Variants in ANKRD31 observed in about 807,000 individuals in gnomAD.
ANKRD31 encodes ankyrin repeat domain 31, also known as ankyrin repeat domain-containing protein 31.
Under a neutral mutation model 186.0 loss-of-function variants are expected in ANKRD31, and 147 were observed. The observed-to-expected ratio is 0.79, with a 90% CI of 0.69 to 0.91. The LOEUF (loss-of-function observed/expected upper bound fraction) is 0.91, where lower values mean the gene tolerates loss of function less well. Ranked by LOEUF, ANKRD31 falls within the 40% of genes least tolerant of loss-of-function variation. The pLI is 0.00. For synonymous variants in ANKRD31, 673 were observed against 736.4 expected (o/e 0.91, Z 1.39); for missense variants, 1,986 against 2,148.8 (o/e 0.92, Z 1.50).
chr5:75,074,444 C>T (rs1432859209), intron 25 of ANKRD31, among the ~76,000 whole-genome samples: 2 of 152,194 alleles, frequency 1.3e-5, no homozygotes, highest in African/African-American at 4.8e-5. Context: ...GGAACCTGCA[C>T]TTTTGGCTAA....
At chr5:75,188,092 C>T (rs937186586) in intron 10 of ANKRD31, among the ~76,000 whole-genome samples, 4 of 152,134 alleles carry the variant, frequency 2.6e-5, no homozygotes, top group African/African-American at 7.2e-5. Context: ...ACTGCTCCTG[C>T]TGTACATCTA....
At chr5:75,158,320 C>G (rs1024537959) in intron 11 of ANKRD31, among the ~76,000 whole-genome samples, 1 of 152,008 alleles carries the variant, frequency 6.6e-6, no homozygotes, top group South Asian at 2.1e-4. Flanking sequence ...CTGTTGGAAA[C>G]CAGGATAAAG....
intron 17 of ANKRD31, 77 bp downstream of exon 17, chr5:75,137,779 C>T: frequency 1.6e-6 from 2 of 1,257,300 alleles, no homozygotes; most frequent in East Asian, 2.9e-5. Flanking sequence ...TTTTAGTTCT[C>T]AGTTTAAAAA....
At chr5:75,147,686 G>A (rs1340791105) in intron 13 of ANKRD31, among the ~76,000 whole-genome samples, 181 bp from the exon 14 acceptor site, 1 of 151,848 alleles carries the variant, frequency 6.6e-6, no homozygotes, top group Non-Finnish European at 1.5e-5. Context: ...ACTAATAGAA[G>A]AAAGGCAAAT....
At chr5:75,194,849 C>T (rs984008813) in intron 7 of ANKRD31, among the ~76,000 whole-genome samples, 1 of 151,882 alleles carries the variant, frequency 6.6e-6, no homozygotes, top group African/African-American at 2.4e-5. Flanking sequence ...AGAGATACAC[C>T]AAACTGTTAA....
intron 20 of ANKRD31, 57 bp from the exon 21 acceptor site, chr5:75,107,674 G>A: frequency 9.2e-7 from 1 of 1,085,464 alleles, no homozygotes; most frequent in East Asian, 2.6e-5. Context: ...GTCAAATTTG[G>A]TCATACGAGA....
intron 22 of ANKRD31, among the ~76,000 whole-genome samples, chr5:75,099,346 A>T (rs1225129914): frequency 6.6e-6 from 1 of 152,198 alleles, no homozygotes; most frequent in Non-Finnish European, 1.5e-5. Context: ...TATTTTATTG[A>T]GGATTTTTGC....
chr5:75,175,935 C>T (rs1240456239), intron 10 of ANKRD31, among the ~76,000 whole-genome samples: 1 of 152,086 alleles, frequency 6.6e-6, no homozygotes, highest in East Asian at 1.9e-4. Flanking sequence ...CAGGGTGAGG[C>T]ATCGCCACAC....
chr5:75,119,246 G>A (rs990846395), intron 17 of ANKRD31, among the ~76,000 whole-genome samples: 14 of 152,114 alleles, frequency 9.2e-5, no homozygotes, highest in South Asian at 8.3e-4. Context: ...AACTCTTGCC[G>A]TCCTCCCTCT....
intron 10 of ANKRD31, among the ~76,000 whole-genome samples, chr5:75,174,630 T>C (rs1753627472): frequency 6.6e-6 from 1 of 152,222 alleles, no homozygotes; most frequent in South Asian, 2.1e-4. Context: ...CATGAAAAAA[T>C]GCTCATCATC....
intron 10 of ANKRD31, among the ~76,000 whole-genome samples, chr5:75,182,137 A>G (rs1317385503): frequency 6.6e-6 from 1 of 152,134 alleles, no homozygotes; most frequent in African/African-American, 2.4e-5. Context: ...AAAACTACCT[A>G]TTTTTAAAAT....
intron 10 of ANKRD31, among the ~76,000 whole-genome samples, chr5:75,183,266 A>T (rs959566771): frequency 2.6e-5 from 4 of 152,224 alleles, no homozygotes; most frequent in African/African-American, 9.6e-5. Context: ...CGTCAACACA[A>T]TAAATCCCAT....
At chr5:75,120,081 A>G (rs1413265291) in intron 17 of ANKRD31, among the ~76,000 whole-genome samples, 1 of 146,458 alleles carries the variant, frequency 6.8e-6, no homozygotes, top group Non-Finnish European at 1.5e-5. Context: ...ACCAATGTAA[A>G]GAATCGTTAC....
chr5:75,124,593 ACACGTGCATG>A (rs568335325), intron 17 of ANKRD31, among the ~76,000 whole-genome samples: 46 of 152,298 alleles, frequency 3.0e-4, no homozygotes, highest in Non-Finnish European at 6.5e-4. Flanking sequence ...ACACACGCAC[ACACGTGCATG>A]CACACACACA....
At chr5:75,193,229 C>G (rs1200580980) in intron 8 of ANKRD31, 82 bp downstream of exon 8, 5 of 1,404,152 alleles carry the variant, frequency 3.6e-6, no homozygotes, top group Non-Finnish European at 4.7e-6. Flanking sequence ...TAACTGTATA[C>G]TGACCCTGAT....
At chr5:75,209,287 A>G (rs1022332560) in intron 4 of ANKRD31, among the ~76,000 whole-genome samples, 6 of 152,190 alleles carry the variant, frequency 3.9e-5, no homozygotes, top group African/African-American at 1.4e-4. Context: ...TTATTATAAA[A>G]TATCAAAAAA....
intron 10 of ANKRD31, among the ~76,000 whole-genome samples, chr5:75,178,265 A>T (rs1753984043): frequency 6.6e-6 from 1 of 152,124 alleles, no homozygotes; most frequent in South Asian, 2.1e-4. Flanking sequence ...AGAGACTTAG[A>T]CTCCCACACA....
chr5:75,171,659 A>G (rs540343815), intron 10 of ANKRD31, among the ~76,000 whole-genome samples: 1 of 151,750 alleles, frequency 6.6e-6, no homozygotes, highest in Admixed American at 6.6e-5. Context: ...CCATAAATCG[A>G]TTCTTGAAAA....
At chr5:75,140,312 A>AGGAAGGAAGGAG (rs1489929266) in intron 15 of ANKRD31, among the ~76,000 whole-genome samples, 5 of 150,158 alleles carry the variant, frequency 3.3e-5, no homozygotes, top group Admixed American at 6.6e-5. Flanking sequence ...GAAGGAAGGA[A>AGGAAGGAAGGAG]GGAAGGAAGG....
Sources: allele counts gnomAD v4.1 joint callset (sites outside exome capture counted in the v4.1 genomes callset), GRCh38; gene constraint gnomAD v4.1.1; transcripts MANE v1.5; gene names NCBI Gene and HGNC (gene_info 2026-07-23, HGNC 2026-07-21).